NBAS: variants seen among roughly 807,000 people sequenced by gnomAD.
The protein encoded by NBAS is NBAS subunit of NRZ tethering complex.
A neutral mutation model predicts 302.5 loss-of-function variants in NBAS; 219 were observed. That is an observed-to-expected ratio of 0.72 (90% CI 0.65 to 0.81). NBAS has a LOEUF of 0.81. NBAS is among the 30% of genes least tolerant of loss of function. The pLI, the probability that NBAS is intolerant of heterozygous loss-of-function variation, is 0.00. For missense variants in NBAS, 2,932 were observed against 2,841.6 expected (o/e 1.03, Z -0.72); for synonymous variants, 1,118 against 1,021.6 (o/e 1.09, Z -1.80).
intron 8 of NBAS, among the ~76,000 whole-genome samples, chr2:15,535,691 A>C (rs1663471992): frequency 6.6e-6 from 1 of 152,166 alleles, no homozygotes; most frequent in Non-Finnish European, 1.5e-5. Flanking sequence ...TGTAAATAGT[A>C]GTTATACTAT....
chr2:15,408,623 T>A (rs1293216178), intron 25 of NBAS, among the ~76,000 whole-genome samples: 1 of 152,186 alleles, frequency 6.6e-6, no homozygotes. Context: ...ACATTCACAT[T>A]TGAATGATAG....
Position 15,536,780 on chromosome 2 carries a change from TGAA to T in NBAS, c.514-232_514-230del, listed in dbSNP as rs915755279. On this transcript the variant is annotated intron_variant, in intron 7 of 51. Transcript: ENST00000281513. Reference sequence around the variant, plus strand: ...CAGGCTGAAACCACAGCAGCCCCTTTGAAGAAGATGTTCACCTACATAGGAAAT... The same window carrying T: ...CAGGCTGAAACCACAGCAGCCCCTTTGAAGATGTTCACCTACATAGGAAAT... Among the ~76,000 whole-genome samples the T allele has an allele frequency of 2.3e-4, 35 of 152,230 alleles. 1 individual carries two copies. Among genetic ancestry groups the T allele is most frequent in the Admixed American group, 1.3e-3 (20 of 15,294 alleles).
At chr2:15,532,581 C>T (rs942259831) in intron 9 of NBAS, among the ~76,000 whole-genome samples, 6 of 151,188 alleles carry the variant, frequency 4.0e-5, no homozygotes, top group Non-Finnish European at 5.9e-5. Context: ...TGTGCATACT[C>T]GTGGTAGAGT....
chr2:15,182,580 T>A (rs1218211873), intron 50 of NBAS, among the ~76,000 whole-genome samples: 1 of 152,206 alleles, frequency 6.6e-6, no homozygotes, highest in Non-Finnish European at 1.5e-5. Context: ...CCATGTTTCG[T>A]CTCAGCGAAA....
the NBAS span, among the ~76,000 whole-genome samples, chr2:15,127,296 A>G: frequency 6.6e-6 from 1 of 152,186 alleles, no homozygotes; most frequent in Non-Finnish European, 1.5e-5. Context: ...TAATTGAAAA[A>G]TCCTTTCCAT....
At chr2:14,923,328 AGCAGTGAGCAGATCACT>A in the NBAS span, among the ~76,000 whole-genome samples, 3 of 152,192 alleles carry the variant, frequency 2.0e-5, no homozygotes, top group South Asian at 6.2e-4. Context: ...TGGGGAACAC[AGCAGTGAGCAGATCACT>A]GCAGTTGTGG....
In NBAS at chr2:15,234,535, T is replaced by C. The variant is rs767312706; in HGVS notation, c.6146+10A>G. Reference sequence around the variant, plus strand: ...CCCAGTTTTTCCACAATGACCACTTTCTAGCTTACCTCAATGCAGAAATTA... The same window carrying C: ...CCCAGTTTTTCCACAATGACCACTTCCTAGCTTACCTCAATGCAGAAATTA... On this transcript the variant is annotated intron_variant, in intron 46 of 51. Coordinates refer to ENST00000281513, the MANE Select transcript of NBAS (RefSeq NM_015909.4). 1.9e-6 allele frequency: 3 copies of C among 1,612,948 alleles called. No homozygotes were observed. The highest frequency in any genetic ancestry group is 2.5e-6 in the Non-Finnish European group (3 of 1,179,886).
At chr2:15,516,362 G>T (rs928829598) in intron 9 of NBAS, among the ~76,000 whole-genome samples, 3 of 152,078 alleles carry the variant, frequency 2.0e-5, no homozygotes, top group Non-Finnish European at 4.4e-5. Context: ...TGTGCATCTT[G>T]ACCTGTAAAC....
the NBAS span, among the ~76,000 whole-genome samples, chr2:15,147,979 G>C: frequency 0.19 from 28,932 of 151,998 alleles, 2,930 homozygotes; most frequent in Middle Eastern, 0.27. Context: ...GAACCTCCTG[G>C]TGCCTTGCTC....
At chr2:15,445,314 A>T (rs1344012919) in intron 21 of NBAS, among the ~76,000 whole-genome samples, 1 of 144,544 alleles carries the variant, frequency 6.9e-6, no homozygotes. Context: ...ACCATGGAAT[A>T]CTATGCAGCC....
intron 9 of NBAS, among the ~76,000 whole-genome samples, chr2:15,512,458 C>T (rs953915045): frequency 2.0e-5 from 3 of 152,116 alleles, no homozygotes; most frequent in Non-Finnish European, 4.4e-5. Context: ...ACATCCTAAT[C>T]GCTGCAGTCT....
At chr2:15,388,867 G>C (rs1035725427) in intron 28 of NBAS, among the ~76,000 whole-genome samples, 6 of 151,824 alleles carry the variant, frequency 4.0e-5, no homozygotes, top group African/African-American at 1.5e-4. Flanking sequence ...AACGTCGAGA[G>C]AAAGAAGCTA....
At chr2:15,271,163 C>T (rs1669301195) in intron 44 of NBAS, among the ~76,000 whole-genome samples, 1 of 152,086 alleles carries the variant, frequency 6.6e-6, no homozygotes, top group Non-Finnish European at 1.5e-5. Flanking sequence ...AAGGAGGAAA[C>T]GGTGGCTTAT....
chr2:15,466,814 G>A (rs1183559884), intron 19 of NBAS, among the ~76,000 whole-genome samples: 1 of 151,962 alleles, frequency 6.6e-6, no homozygotes, highest in Non-Finnish European at 1.5e-5. Flanking sequence ...GCATGTGCCT[G>A]TAGTTCCAGC....
the NBAS span, among the ~76,000 whole-genome samples, chr2:14,861,387 T>C: frequency 6.6e-6 from 1 of 152,240 alleles, no homozygotes; most frequent in Admixed American, 6.5e-5. Flanking sequence ...TTAGTGCATG[T>C]GCACCAGCAG....
chr2:15,014,424 C>A, the NBAS span, among the ~76,000 whole-genome samples: 13 of 151,994 alleles, frequency 8.6e-5, no homozygotes, highest in Non-Finnish European at 1.8e-4. Flanking sequence ...AAAATTATAT[C>A]AAATATCTTA....
At chr2:15,363,199 T>C (rs1202979242) in intron 32 of NBAS, among the ~76,000 whole-genome samples, 2 of 152,206 alleles carry the variant, frequency 1.3e-5, no homozygotes, top group Non-Finnish European at 2.9e-5. Flanking sequence ...ACTGACTGCC[T>C]ATGGATTTCA....
At chr2:14,788,679 G>C in the NBAS span, among the ~76,000 whole-genome samples, 1 of 152,148 alleles carries the variant, frequency 6.6e-6, no homozygotes, top group African/African-American at 2.4e-5. Flanking sequence ...TCGTTCCTCT[G>C]GAAGTTTTGT....
At chr2:15,324,122 G>A (rs953722933) in intron 38 of NBAS, among the ~76,000 whole-genome samples, 1 of 152,132 alleles carries the variant, frequency 6.6e-6, no homozygotes. Flanking sequence ...GCACATCAGG[G>A]TGCCATCGGA....
Sources: gnomAD v4.1 joint callset for allele counts (sites outside exome capture counted in the v4.1 genomes callset) on GRCh38, gnomAD v4.1.1 for gene constraint, MANE v1.5 for transcripts, NCBI Gene and HGNC (gene_info 2026-07-23, HGNC 2026-07-21) for gene names.